Variants in SEMA4D observed in about 807,000 individuals in gnomAD.
The protein encoded by SEMA4D is semaphorin 4D, also known as semaphorin-4D.
SEMA4D carries 22 observed loss-of-function variants against 74.8 expected under a neutral mutation model. The ratio of observed to expected loss-of-function variants is 0.29; its 90% CI spans 0.21 to 0.42. The LOEUF is 0.42. Among genes scored for constraint, SEMA4D ranks in the 10% least tolerant of loss-of-function variants. SEMA4D has a pLI of 1.00. For synonymous variants in SEMA4D, 445 were observed against 463.7 expected (o/e 0.96, Z 0.52); for missense variants, 937 against 1,118.4 (o/e 0.84, Z 2.31).
At chr9:89,478,715 A>G (rs2136135002) in intron 1 of SEMA4D, among the ~76,000 whole-genome samples, 1 of 152,144 alleles carries the variant, frequency 6.6e-6, no homozygotes, top group African/African-American at 2.4e-5. Context: ...CCTCTTGTTC[A>G]CACTCCACTC....
At chr9:89,400,063 G>C (rs1043134834) in intron 4 of SEMA4D, among the ~76,000 whole-genome samples, 7 of 96,154 alleles carry the variant, frequency 7.3e-5, no homozygotes, top group Admixed American at 4.9e-4. Flanking sequence ...AAAAAAAAAA[G>C]CCACAATATT....
At chr9:89,435,157 G>A (rs1214783079) in intron 2 of SEMA4D, among the ~76,000 whole-genome samples, 1 of 152,132 alleles carries the variant, frequency 6.6e-6, no homozygotes, top group East Asian at 1.9e-4. Flanking sequence ...GCATGTGGAG[G>A]ACAGAAATCC....
chr9:89,395,148 G>A (rs1840667156), intron 6 of SEMA4D, among the ~76,000 whole-genome samples: 1 of 152,184 alleles, frequency 6.6e-6, no homozygotes, highest in African/African-American at 2.4e-5. Context: ...AAAATTGACG[G>A]GGCGTGGTGG....
rs969692473 is a variant in SEMA4D at position 89,378,274 on chromosome 9, G to T, written c.*430C>A. On this transcript the variant is annotated 3_prime_UTR_variant, in exon 16 of 16. Transcript: ENST00000422704. ...GTTCGTGCCAATCTGGACAACAGGC[G>T]ATAAGTTACCAATCTGATAAACTAA... The T allele has an allele frequency of 2.5e-5, 4 of 162,224 alleles. No individual in the cohort carries two copies. Among genetic ancestry groups the T allele is most frequent in the African/African-American group, 7.2e-5 (3 of 41,612 alleles). 10.0% of individuals were successfully genotyped at this position (162,224 alleles called of 1,614,324 possible). A position where few individuals can be genotyped will look rare whatever the true frequency, so the allele number is the denominator to read the frequency against.
At chr9:89,377,141 G>A (rs976364604), downstream of SEMA4D, 63 of 1,446,012 alleles carry the variant, frequency 4.4e-5, no homozygotes, top group African/African-American at 8.6e-4. Flanking sequence ...AACACAGCAG[G>A]AAACGGACAG....
chr9:89,392,442 A>G lies in SEMA4D; in HGVS notation c.603T>C (p.Tyr201=), dbSNP rs1840067023. 1 of 1,613,256 alleles carries G rather than the reference A, an allele frequency of 6.2e-7. No individual in the cohort carries two copies. The highest frequency in any genetic ancestry group is 1.1e-5 in the South Asian group (1 of 91,068). ...NSSHSPLRTE[Y]AIPWLNEPSF... is the part of the protein sequence containing the mutation. ...CCTTACCGTTCAGCCAAGGGATTGCATATTCTGTCCTCAGAGGACTGTGGG... is the reference window on the plus strand; with the variant it reads ...CCTTACCGTTCAGCCAAGGGATTGCGTATTCTGTCCTCAGAGGACTGTGGG... The change falls in exon 8 of 16, where the codon TAT becomes TAC. Residue 201 remains tyrosine, a synonymous_variant. Coordinates refer to ENST00000422704, the MANE Select transcript of SEMA4D (RefSeq NM_001371194.2).
intron 2 of SEMA4D, among the ~76,000 whole-genome samples, chr9:89,439,757 C>A (rs1851281011): frequency 6.6e-6 from 1 of 152,126 alleles, no homozygotes; most frequent in South Asian, 2.1e-4. Flanking sequence ...ACAAAAAAAG[C>A]AAGAGTAAGT....
chr9:89,482,118 G>T (rs1050013312), intron 1 of SEMA4D, among the ~76,000 whole-genome samples: 1 of 152,194 alleles, frequency 6.6e-6, no homozygotes, highest in Admixed American at 6.5e-5. Flanking sequence ...GCTCTAAGAA[G>T]AAGGCAGCAA....
chr9:89,414,643 TG>T (rs1845304466), intron 2 of SEMA4D, among the ~76,000 whole-genome samples: 1 of 152,332 alleles, frequency 6.6e-6, no homozygotes, highest in South Asian at 2.1e-4. Flanking sequence ...GAATCAGGAA[TG>T]GGTTTCAGGA....
At chr9:89,437,057 G>A (rs577495718) in intron 2 of SEMA4D, among the ~76,000 whole-genome samples, 1 of 152,372 alleles carries the variant, frequency 6.6e-6, no homozygotes, top group East Asian at 1.9e-4. Context: ...AAACTTGGGA[G>A]GTGAGCATGC....
exon 19 of SEMA4D, chr9:89,362,160 G>A: frequency 1.6e-6 from 1 of 607,478 alleles, no homozygotes; most frequent in Non-Finnish European, 2.9e-6. Flanking sequence ...AGAACTTACT[G>A]TCCCAGGTAA....
chr9:89,366,868 G>A (rs1051230077), intron 16 of SEMA4D, among the ~76,000 whole-genome samples: 1 of 152,156 alleles, frequency 6.6e-6, no homozygotes, highest in Non-Finnish European at 1.5e-5. Context: ...TGGAGTCACT[G>A]AGTCACAGGA....
intron 2 of SEMA4D, among the ~76,000 whole-genome samples, chr9:89,425,582 C>G (rs1847925636): frequency 6.6e-6 from 1 of 152,170 alleles, no homozygotes; most frequent in Non-Finnish European, 1.5e-5. Flanking sequence ...CTGACTGAAT[C>G]CCAGTGTTCA....
At chr9:89,495,326 T>C (rs1825924449) in intron 1 of SEMA4D, among the ~76,000 whole-genome samples, 1 of 152,142 alleles carries the variant, frequency 6.6e-6, no homozygotes, top group Non-Finnish European at 1.5e-5. Flanking sequence ...ATCCCAAGGA[T>C]CGCCTTAACT....
At chr9:89,429,178 T>G (rs552636942) in intron 2 of SEMA4D, among the ~76,000 whole-genome samples, 79 of 152,306 alleles carry the variant, frequency 5.2e-4, no homozygotes, top group African/African-American at 1.8e-3. Context: ...CTGGCTCTCC[T>G]AACCTCCCTG....
intron 1 of SEMA4D, among the ~76,000 whole-genome samples, chr9:89,488,905 G>A (rs1217479775): frequency 1.3e-5 from 2 of 152,178 alleles, no homozygotes; most frequent in Admixed American, 6.5e-5. Flanking sequence ...CTGACAAAAG[G>A]TTTGAGTCAA....
intron 2 of SEMA4D, among the ~76,000 whole-genome samples, chr9:89,441,813 G>A (rs1408934780): frequency 2.0e-5 from 3 of 152,140 alleles, no homozygotes; most frequent in Non-Finnish European, 4.4e-5. Flanking sequence ...AGCCCACACT[G>A]TTAAACTTCA....
intron 1 of SEMA4D, among the ~76,000 whole-genome samples, chr9:89,482,053 C>T (rs1435752903): frequency 6.6e-6 from 1 of 152,184 alleles, no homozygotes; most frequent in Admixed American, 6.5e-5. Flanking sequence ...GGGTCACCGC[C>T]CAGACGGGTG....
rs780277848 is a variant in SEMA4D at position 89,388,916 on chromosome 9, C to T, written c.906G>A (p.Pro302=). The change falls in exon 10 of 16, where the codon CCG becomes CCA. Residue 302 remains proline (P), a synonymous_variant. Transcript: ENST00000422704. ...CATAGAACACAGGCACCTTCAGGCC[C>T]GGGGACCTGAGCACGAAGACATCCC... ...VLRDVFVLRS[P]GLKVPVFYAL... is the part of the protein sequence containing the mutation. 1.1e-5 allele frequency: 18 copies of T among 1,613,988 alleles called. No individual in the cohort carries two copies. Among genetic ancestry groups the T allele is most frequent in the South Asian group, 9.9e-5 (9 of 91,088 alleles).
Sources: gnomAD v4.1 joint callset for allele counts (sites outside exome capture counted in the v4.1 genomes callset) on GRCh38, gnomAD v4.1.1 for gene constraint, MANE v1.5 for transcripts, NCBI Gene and HGNC (gene_info 2026-07-23, HGNC 2026-07-21) for gene names.